The following EYA2 variants were observed in gnomAD, a reference collection of about 807,000 sequenced individuals.
EYA2 encodes the protein EYA transcriptional coactivator and phosphatase 2, also known as protein phosphatase EYA2.
Under a neutral mutation model 69.2 loss-of-function variants are expected in EYA2, and 31 were observed. That is an observed-to-expected ratio of 0.45 (90% confidence interval 0.34 to 0.60). EYA2 has a LOEUF of 0.60. Among genes scored for constraint, EYA2 ranks in the 20% least tolerant of loss-of-function variants. EYA2 has a pLI of 0.02. For missense variants in EYA2, 622 were observed against 701.2 expected (o/e 0.89, Z 1.28); for synonymous variants, 257 against 279.4 (o/e 0.92, Z 0.80).
chr20:47,178,556 G>T (rs1305327983), intron 12 of EYA2, among the ~76,000 whole-genome samples: 1 of 151,378 alleles, frequency 6.6e-6, no homozygotes, highest in East Asian at 1.9e-4. Flanking sequence ...GGATCATGCT[G>T]CTGGGGGTTT....
intron 5 of EYA2, among the ~76,000 whole-genome samples, chr20:47,030,555 A>G (rs898077933): frequency 3.3e-4 from 51 of 152,288 alleles, no homozygotes; most frequent in East Asian, 3.3e-3. Context: ...CAGGCGGTGC[A>G]TGAGTCTAGT....
chr20:46,895,717 T>TGCTG (rs1983773688), intron 1 of EYA2, among the ~76,000 whole-genome samples: 1 of 152,190 alleles, frequency 6.6e-6, no homozygotes. Flanking sequence ...TAAACGGCCG[T>TGCTG]GCTGGCCCAG....
chr20:46,975,943 G>A (rs1455577331), intron 1 of EYA2, among the ~76,000 whole-genome samples: 2 of 152,206 alleles, frequency 1.3e-5, no homozygotes, highest in African/African-American at 4.8e-5. Flanking sequence ...AGAGAATTTA[G>A]TCTGGAATTG....
chr20:46,973,244 G>A (rs1186027604), intron 1 of EYA2, among the ~76,000 whole-genome samples: 5 of 152,248 alleles, frequency 3.3e-5, no homozygotes, highest in Middle Eastern at 3.4e-3. Context: ...TAACAACACC[G>A]TGAACAGGCA....
At chr20:47,004,771 C>T (rs541883194) in intron 3 of EYA2, 171 bp from the exon 4 acceptor site, 1 of 860,402 alleles carries the variant, frequency 1.2e-6, no homozygotes, top group South Asian at 1.6e-5. Context: ...AAAATGTAAT[C>T]TTCCTGCTTC....
chr20:46,995,093 G>C (rs1206792), intron 2 of EYA2, among the ~76,000 whole-genome samples: 1 of 151,778 alleles, frequency 6.6e-6, no homozygotes, highest in East Asian at 1.9e-4. Context: ...TAGAGGCAGG[G>C]TTTCACCATG....
chr20:46,940,454 C>G (rs775645749), intron 1 of EYA2, among the ~76,000 whole-genome samples: 2 of 152,164 alleles, frequency 1.3e-5, no homozygotes, highest in African/African-American at 2.4e-5. Context: ...GAATTCAGAG[C>G]CCGCATCCTT....
At chr20:46,988,974 G>A (rs1472149776) in intron 1 of EYA2, among the ~76,000 whole-genome samples, 1 of 152,142 alleles carries the variant, frequency 6.6e-6, no homozygotes, top group African/African-American at 2.4e-5. Context: ...CCAAAGTGCT[G>A]GAACTGAAGG....
chr20:46,995,982 G>A (rs905765732), intron 2 of EYA2, among the ~76,000 whole-genome samples: 1 of 152,212 alleles, frequency 6.6e-6, no homozygotes, highest in Non-Finnish European at 1.5e-5. Context: ...AAGGTCTCAT[G>A]GCTGTATTGC....
In EYA2 at chr20:47,171,803, A is replaced by T. The variant is rs141127963; in HGVS notation, c.1038-904A>T. ...GTGAGCGTTCACTTTTTCAAGAATA[A>T]ATCTATGGCCGGGCACAGTGGCTCA... On this transcript the variant is annotated intron_variant, in intron 11 of 15. Transcript: ENST00000327619. 4.2e-3 allele frequency among the ~76,000 whole-genome samples: 635 copies of T among 152,074 alleles called. 5 individuals carry two copies. Among genetic ancestry groups the T allele is most frequent in the African/African-American group, 0.014 (587 of 41,490 alleles).
intron 5 of EYA2, among the ~76,000 whole-genome samples, chr20:47,019,256 GTTA>G (rs1269101497): frequency 2.0e-5 from 3 of 152,166 alleles, no homozygotes; most frequent in Non-Finnish European, 4.4e-5. Flanking sequence ...AATCGTCCAG[GTTA>G]TTTTCTTATC....
At chr20:46,999,117 T>A (rs899268893) in intron 2 of EYA2, among the ~76,000 whole-genome samples, 3 of 152,192 alleles carry the variant, frequency 2.0e-5, no homozygotes, top group Non-Finnish European at 4.4e-5. Flanking sequence ...ATTTATGGAA[T>A]GCCAAGTTAA....
intron 1 of EYA2, among the ~76,000 whole-genome samples, chr20:46,934,370 G>T (rs1384392865): frequency 7.4e-6 from 1 of 134,880 alleles, no homozygotes; most frequent in African/African-American, 2.6e-5. Flanking sequence ...TGTCGTGGTG[G>T]TCCCCAGCCC....
intron 1 of EYA2, among the ~76,000 whole-genome samples, chr20:46,988,040 A>C (rs892959295): frequency 6.9e-6 from 1 of 144,250 alleles, no homozygotes; most frequent in African/African-American, 2.5e-5. Flanking sequence ...ATATGTTTTA[A>C]AACAATGCAT....
At chr20:46,922,628 G>T (rs183993811) in intron 1 of EYA2, among the ~76,000 whole-genome samples, 3 of 152,312 alleles carry the variant, frequency 2.0e-5, no homozygotes, top group Admixed American at 6.5e-5. Flanking sequence ...TGTGCTTACA[G>T]TCGAATGCCG....
chr20:46,907,697 G>A (rs923829944), intron 1 of EYA2, among the ~76,000 whole-genome samples: 4 of 152,190 alleles, frequency 2.6e-5, no homozygotes, highest in Non-Finnish European at 5.9e-5. Context: ...CAATTAGCCA[G>A]GTATGGTGGC....
intron 10 of EYA2, among the ~76,000 whole-genome samples, chr20:47,164,133 G>A (rs747520047): frequency 7.9e-5 from 12 of 152,158 alleles, no homozygotes; most frequent in East Asian, 1.9e-4. Context: ...GGATGGCAGC[G>A]CTGAGGGTCG....
At chr20:47,080,589 C>A (rs1035717996) in intron 7 of EYA2, among the ~76,000 whole-genome samples, 3 of 152,086 alleles carry the variant, frequency 2.0e-5, no homozygotes, top group African/African-American at 7.2e-5. Context: ...AATATGGTGA[C>A]TATAGTTAAT....
intron 1 of EYA2, among the ~76,000 whole-genome samples, chr20:46,936,765 C>G (rs188056104): frequency 1.3e-5 from 2 of 152,248 alleles, no homozygotes; most frequent in Non-Finnish European, 2.9e-5. Flanking sequence ...AGGGGTGTCC[C>G]GTCCCCCGCT....
Sources: allele counts gnomAD v4.1 joint callset (sites outside exome capture counted in the v4.1 genomes callset), GRCh38; gene constraint gnomAD v4.1.1; transcripts MANE v1.5; gene names NCBI Gene and HGNC (gene_info 2026-07-23, HGNC 2026-07-21).